Variants in SLC1A6 observed in about 807,000 individuals in gnomAD.
The protein encoded by SLC1A6 is solute carrier family 1 member 6, also known as excitatory amino acid transporter 4.
In SLC1A6, 15 loss-of-function variants were observed where a neutral mutation model predicts 42.1. That is an observed-to-expected ratio of 0.36 (90% CI 0.24 to 0.55). SLC1A6 has a LOEUF of 0.55. Among genes scored for constraint, SLC1A6 ranks in the 20% least tolerant of loss-of-function variants. The pLI is 0.88. For missense variants in SLC1A6, 542 were observed against 772.5 expected (o/e 0.70, Z 3.54); for synonymous variants, 317 against 319.7 (o/e 0.99, Z 0.09).
chr19:15,009,364 A>G (rs1414546947), intron 1 of SLC1A6, among the ~76,000 whole-genome samples: 1 of 149,970 alleles, frequency 6.7e-6, no homozygotes, highest in Non-Finnish European at 1.5e-5. Flanking sequence ...TATATGTCAC[A>G]TGTATGTGCT....
intron 4 of SLC1A6, among the ~76,000 whole-genome samples, chr19:14,964,789 C>A (rs957476591): frequency 2.0e-5 from 3 of 152,162 alleles, no homozygotes; most frequent in African/African-American, 7.2e-5. Flanking sequence ...CGTCTAGGCC[C>A]ATGATTAAGG....
intron 6 of SLC1A6, among the ~76,000 whole-genome samples, chr19:14,959,431 G>T (rs2045489804): frequency 6.6e-6 from 1 of 152,210 alleles, no homozygotes; most frequent in Non-Finnish European, 1.5e-5. Flanking sequence ...TCTTGCCATT[G>T]TTCCATCTGT....
At chr19:14,992,979 G>A (rs1037383299) in intron 1 of SLC1A6, among the ~76,000 whole-genome samples, 36 of 152,082 alleles carry the variant, frequency 2.4e-4, no homozygotes, top group African/African-American at 8.5e-4. Flanking sequence ...TAAAGGAGAG[G>A]GAGTCTCATT....
intron 1 of SLC1A6, chr19:14,977,435 G>C (rs2045723626): frequency 6.6e-6 from 1 of 152,074 alleles, no homozygotes; most frequent in Non-Finnish European, 1.5e-5. Context: ...GTTTACTCTT[G>C]GGCCATTTGC....
At chr19:14,983,324 C>T (rs1165285688), upstream of SLC1A6, among the ~76,000 whole-genome samples, 2 of 152,036 alleles carry the variant, frequency 1.3e-5, no homozygotes, top group Non-Finnish European at 2.9e-5. Context: ...TGGTCCTGAG[C>T]ACTTTGCTGA....
intron 5 of SLC1A6, among the ~76,000 whole-genome samples, chr19:14,963,154 A>T (rs887197267): frequency 6.6e-6 from 1 of 152,230 alleles, no homozygotes; most frequent in Non-Finnish European, 1.5e-5. Flanking sequence ...CATTTGTGAC[A>T]AGAGGGTTGA....
Position 14,962,148 on chromosome 19 carries a change from G to A in SLC1A6, c.789C>T (p.Ala263=), listed in dbSNP as rs756164477. 2.5e-6 allele frequency: 4 copies of A among 1,614,096 alleles called. No homozygotes were observed. Among genetic ancestry groups the A allele is most frequent in the Non-Finnish European group, 3.4e-6 (4 of 1,180,026 alleles). The change falls in exon 6 of 10, where the codon GCC becomes GCT. Residue 263 remains alanine, a synonymous_variant. Coordinates refer to ENST00000594383, the MANE Select transcript of SLC1A6 (RefSeq NM_005071.3). ...FEETVPVPGS[A]NGINALGLVV... The stretch of plus-strand genomic sequence containing the variant: ...CGAGGCCCAGGGCGTTGATGCCATT[G>A]GCGGAGCCAGGCACGGGTACAGTCT...
rs1568304854 is a variant in SLC1A6 at position 15,010,198 on chromosome 19, G to GA, written c.6+286dup. Among the ~76,000 whole-genome samples, 34 of 61,772 alleles carry GA rather than the reference G, an allele frequency of 5.5e-4. No homozygotes were observed. The East Asian group carries it at 8.2e-3, about 15-fold the overall frequency. 40.5% of individuals were successfully genotyped at this position (61,772 alleles called of 152,430 possible). On this transcript the variant is annotated intron_variant, in intron 1 of 8. Coordinates refer to the SLC1A6 transcript ENST00000430939. ...AAGACTCTATGAAAAAAAAAAAAAA[G>GA]AAAGAAAGAAAAAAGAAAGAGAGAG...
chr19:15,003,177 CA>C, intron 1 of SLC1A6, among the ~76,000 whole-genome samples: 1 of 152,186 alleles, frequency 6.6e-6, no homozygotes, highest in Non-Finnish European at 1.5e-5. Flanking sequence ...GGGGTTTCAC[CA>C]TGTTGGCCAG....
At chr19:14,983,237 C>T (rs1239056779), upstream of SLC1A6, among the ~76,000 whole-genome samples, 1 of 152,168 alleles carries the variant, frequency 6.6e-6, no homozygotes, top group African/African-American at 2.4e-5. Context: ...ATACAGTGAA[C>T]AAGCATCCTA....
intron 9 of SLC1A6, among the ~76,000 whole-genome samples, chr19:14,952,181 T>G (rs2045419486): frequency 6.6e-6 from 1 of 151,450 alleles, no homozygotes; most frequent in African/African-American, 2.4e-5. Flanking sequence ...AGCTCACATC[T>G]GTAGTCCCAA....
intron 1 of SLC1A6, among the ~76,000 whole-genome samples, chr19:15,009,628 T>A (rs902480267): frequency 6.6e-6 from 1 of 151,854 alleles, no homozygotes; most frequent in Admixed American, 6.6e-5. Flanking sequence ...GAGAAGGGGG[T>A]GAGGGATACA....
chr19:14,968,435 G>T lies in SLC1A6; in HGVS notation c.416C>A (p.Thr139Asn). The T allele has an allele frequency of 6.2e-7, 1 of 1,613,696 alleles. No individual in the cohort carries two copies. The highest frequency in any genetic ancestry group is 8.5e-7 in the Non-Finnish European group (1 of 1,179,880). Reference protein sequence around the residue: ...MRAAVYYMVTTIIAVFIGILM... With the variant: ...MRAAVYYMVTNIIAVFIGILM... ...GATGCCGATGAAGACCGCGATGATGGTGGTCACCATGTAGTACACAGCTGC... is the reference window on the plus strand; with the variant it reads ...GATGCCGATGAAGACCGCGATGATGTTGGTCACCATGTAGTACACAGCTGC... Residue 139 changes from threonine to asparagine, a missense_variant, in exon 4 of 10, where the codon ACC becomes AAC. This residue lies in a region of SLC1A6 where 298 missense variants were observed against 419.4 expected (regional missense o/e 0.71). Coordinates refer to ENST00000594383, the MANE Select transcript of SLC1A6 (RefSeq NM_005071.3).
intron 1 of SLC1A6, among the ~76,000 whole-genome samples, chr19:15,005,310 T>C (rs2045890970): frequency 6.9e-6 from 1 of 144,730 alleles, no homozygotes; most frequent in South Asian, 2.2e-4. Flanking sequence ...AGTTCACGAA[T>C]AGCCTGGCCA....
intron 6 of SLC1A6, among the ~76,000 whole-genome samples, chr19:14,960,121 T>TGGAA (rs112285844): frequency 0.51 from 76,847 of 150,884 alleles, 19,806 homozygotes; most frequent in South Asian, 0.61. Flanking sequence ...GAAGGAATGA[T>TGGAA]GGAAGGAAGG....
chr19:14,966,675 C>T (rs1186396080), intron 4 of SLC1A6, among the ~76,000 whole-genome samples: 4 of 152,024 alleles, frequency 2.6e-5, no homozygotes, highest in African/African-American at 9.7e-5. Context: ...CACATATATG[C>T]CATGCAAATA....
intron 1 of SLC1A6, among the ~76,000 whole-genome samples, chr19:14,995,600 T>C (rs1178611108): frequency 6.6e-6 from 1 of 152,124 alleles, no homozygotes; most frequent in African/African-American, 2.4e-5. Context: ...AGGGAATGCA[T>C]ATGTTAATTG....
chr19:14,972,527 CAT>C lies in SLC1A6; in HGVS notation c.205+177_205+178del, dbSNP rs369076310. ...GTGCACACACAGTTGTGTTTGCACA[CAT>C]GTGTATTCATCTGTGTGGTGTGTCT... On this transcript the variant is annotated intron_variant, in intron 2 of 9. Coordinates refer to ENST00000594383, the MANE Select transcript of SLC1A6 (RefSeq NM_005071.3). Among the ~76,000 whole-genome samples the C allele has an allele frequency of 4.4e-3, 671 of 152,346 alleles. 4 individuals carry two copies. Among genetic ancestry groups the C allele is most frequent in the African/African-American group, 0.015 (613 of 41,570 alleles).
At chr19:14,973,296 T>G (rs574355528) in intron 1 of SLC1A6, 33 of 201,388 alleles carry the variant, frequency 1.6e-4, no homozygotes, top group Admixed American at 5.9e-4. Flanking sequence ...GGCCCACACC[T>G]GTAATCCCAA....
Sources: gnomAD v4.1 joint callset for allele counts (sites outside exome capture counted in the v4.1 genomes callset) on GRCh38, gnomAD v4.1.1 for gene constraint, gnomAD v4.1.1 regional missense constraint, MANE v1.5 for transcripts, NCBI Gene and HGNC (gene_info 2026-07-23, HGNC 2026-07-21) for gene names.